Variants in CACNA2D3 observed in about 807,000 individuals in gnomAD.
The protein encoded by CACNA2D3 is calcium voltage-gated channel auxiliary subunit alpha2delta 3.
CACNA2D3 carries 60 observed loss-of-function variants against 160.6 expected under a neutral mutation model. The observed-to-expected ratio is 0.37, with a 90% confidence interval of 0.30 to 0.46. The LOEUF is 0.46. Ranked by LOEUF, CACNA2D3 falls within the 20% of genes least tolerant of loss-of-function variation. The pLI is 1.00. For missense variants in CACNA2D3, 1,205 were observed against 1,365.0 expected (o/e 0.88, Z 1.85); for synonymous variants, 558 against 492.9 (o/e 1.13, Z -1.75).
At chr3:54,769,779 C>T (rs915189166) in intron 13 of CACNA2D3, among the ~76,000 whole-genome samples, 3 of 152,094 alleles carry the variant, frequency 2.0e-5, no homozygotes, top group Admixed American at 6.6e-5. Context: ...ATGATTGTTA[C>T]CATATTCATA....
chr3:54,360,094 C>A lies in CACNA2D3; in HGVS notation c.322-26621C>A, dbSNP rs118076291. Among the ~76,000 whole-genome samples, 53 of 152,328 alleles carry A rather than the reference C, an allele frequency of 3.5e-4. 1 individual carries two copies. In the East Asian group the frequency reaches 9.6e-3, roughly 28 times the overall value. On this transcript the variant is annotated intron_variant, in intron 3 of 37. Coordinates refer to ENST00000474759, the MANE Select transcript of CACNA2D3 (RefSeq NM_018398.3). The stretch of plus-strand genomic sequence containing the variant: ...CATGGGCCAAATGTGGTTGGCCCCC[C>A]ACCTTTTTTTGTAAATAATGTTTAT...
chr3:54,536,904 C>T (rs1445025934), intron 5 of CACNA2D3, among the ~76,000 whole-genome samples: 2 of 152,232 alleles, frequency 1.3e-5, no homozygotes, highest in Non-Finnish European at 2.9e-5. Context: ...CTTCCCCTTT[C>T]CCACTTGTGA....
chr3:54,604,873 A>C (rs1331443636), intron 9 of CACNA2D3, among the ~76,000 whole-genome samples: 1 of 152,182 alleles, frequency 6.6e-6, no homozygotes, highest in Admixed American at 6.5e-5. Flanking sequence ...TGAAGGCCGT[A>C]CTGCTGGAGT....
intron 5 of CACNA2D3, among the ~76,000 whole-genome samples, chr3:54,534,241 G>A (rs1396828665): frequency 6.6e-6 from 1 of 152,068 alleles, no homozygotes; most frequent in Non-Finnish European, 1.5e-5. Context: ...TTTTTTGGTG[G>A]CAGAATTATG....
At chr3:55,003,626 A>G (rs1239453923) in intron 31 of CACNA2D3, among the ~76,000 whole-genome samples, 2 of 152,112 alleles carry the variant, frequency 1.3e-5, no homozygotes, top group African/African-American at 4.8e-5. Context: ...AGGGATAATA[A>G]ATGATTTTGA....
chr3:54,569,910 G>A (rs774915735), intron 7 of CACNA2D3, 44 bp from the exon 8 acceptor site: 3 of 1,613,392 alleles, frequency 1.9e-6, no homozygotes, highest in South Asian at 1.1e-5. Flanking sequence ...TTGAAGAGAA[G>A]TGAAGTCAGG....
intron 2 of CACNA2D3, among the ~76,000 whole-genome samples, chr3:54,265,811 T>C (rs67492509): frequency 0.14 from 20,515 of 151,300 alleles, 1,665 homozygotes; most frequent in East Asian, 0.33. Flanking sequence ...AGTATATCTT[T>C]TTCTCTCCAG....
chr3:54,661,841 TG>T (rs1374321277), intron 11 of CACNA2D3, among the ~76,000 whole-genome samples: 1 of 17,892 alleles, frequency 5.6e-5, no homozygotes, highest in Non-Finnish European at 1.7e-4. Flanking sequence ...CTCAGGGATG[TG>T]TGTATGTGTG....
At chr3:54,656,989 C>T (rs570845896) in intron 11 of CACNA2D3, among the ~76,000 whole-genome samples, 11 of 150,590 alleles carry the variant, frequency 7.3e-5, no homozygotes, top group South Asian at 4.2e-4. Context: ...GGGCTGAGTC[C>T]GAAAAGAGTC....
intron 2 of CACNA2D3, among the ~76,000 whole-genome samples, chr3:54,294,909 G>A (rs1575377104): frequency 6.6e-6 from 1 of 152,168 alleles, no homozygotes; most frequent in Non-Finnish European, 1.5e-5. Context: ...GACTGTATGT[G>A]GCTTTTTCTC....
chr3:54,350,992 T>TTTTTTTTTTTTTTG (rs1698552226), intron 3 of CACNA2D3, among the ~76,000 whole-genome samples: 10 of 110,976 alleles, frequency 9.0e-5, no homozygotes, highest in South Asian at 3.1e-4. Context: ...GTTTGTTTTT[T>TTTTTTTTTTTTTTG]TTTTTTTTTT....
chr3:54,822,782 CTTTCTTTCCTTTCTTTCTTTCTTT>C (rs1703648715), intron 14 of CACNA2D3, among the ~76,000 whole-genome samples: 1 of 77,556 alleles, frequency 1.3e-5, no homozygotes, highest in Non-Finnish European at 2.5e-5. Context: ...TTCTTTCTTT[CTTTCTTTCCTTTCTTTCTTTCTTT>C]CTTTCTTTCT....
intron 10 of CACNA2D3, chr3:54,637,579 C>CA (rs1323487537): frequency 2.6e-5 from 4 of 151,928 alleles, no homozygotes; most frequent in Non-Finnish European, 1.5e-5. Context: ...TGTCAATACT[C>CA]ACAACAGTTA....
chr3:54,252,705 A>G (rs925921031), intron 2 of CACNA2D3, among the ~76,000 whole-genome samples: 3 of 152,092 alleles, frequency 2.0e-5, no homozygotes, highest in Non-Finnish European at 2.9e-5. Flanking sequence ...TTCCCCTGCC[A>G]TCTCCCTGTG....
At chr3:54,245,652 C>T (rs1702058042) in intron 2 of CACNA2D3, among the ~76,000 whole-genome samples, 1 of 152,140 alleles carries the variant, frequency 6.6e-6, no homozygotes, top group African/African-American at 2.4e-5. Context: ...TAATGCAGGG[C>T]TTGAGAAACA....
At chr3:54,496,965 C>G (rs1467031120) in intron 4 of CACNA2D3, among the ~76,000 whole-genome samples, 1 of 152,078 alleles carries the variant, frequency 6.6e-6, no homozygotes, top group Non-Finnish European at 1.5e-5. Flanking sequence ...GTTTCATGAT[C>G]TGTTTGTCTA....
At chr3:54,414,376 T>C (rs1699720835) in intron 4 of CACNA2D3, among the ~76,000 whole-genome samples, 1 of 152,244 alleles carries the variant, frequency 6.6e-6, no homozygotes, top group South Asian at 2.1e-4. Context: ...ATTAATGTAT[T>C]GATATTGACA....
chr3:54,316,344 A>G (rs1172006715), intron 2 of CACNA2D3, among the ~76,000 whole-genome samples: 1 of 152,194 alleles, frequency 6.6e-6, no homozygotes, highest in South Asian at 2.1e-4. Context: ...ATTAATGACT[A>G]TCACTGGGTC....
intron 27 of CACNA2D3, among the ~76,000 whole-genome samples, chr3:54,937,668 T>C (rs991875037): frequency 1.3e-5 from 2 of 152,010 alleles, no homozygotes; most frequent in Admixed American, 6.5e-5. Context: ...GGCATCCCAA[T>C]GGATGTTATA....
Sources: gnomAD v4.1 joint callset for allele counts (sites outside exome capture counted in the v4.1 genomes callset) on GRCh38, gnomAD v4.1.1 for gene constraint, MANE v1.5 for transcripts, NCBI Gene and HGNC (gene_info 2026-07-23, HGNC 2026-07-21) for gene names.